Variants in NLGN1 observed in about 807,000 individuals in gnomAD.
NLGN1 encodes the protein neuroligin-1.
Under a neutral mutation model 65.5 loss-of-function variants are expected in NLGN1, and 12 were observed. The observed-to-expected ratio is 0.18, with a 90% CI of 0.12 to 0.30. The LOEUF (loss-of-function observed/expected upper bound fraction) is 0.30. NLGN1 is among the 10% of genes least tolerant of loss of function. The pLI is 1.00. For synonymous variants in NLGN1, 350 were observed against 359.5 expected, an observed-to-expected ratio of 0.97 and a Z score of 0.30; for missense variants, 750 against 1,007.1, an observed-to-expected ratio of 0.74 and a Z score of 3.46.
At chr3:173,899,194 T>C (rs1055449591) in intron 4 of NLGN1, among the ~76,000 whole-genome samples, 11 of 152,072 alleles carry the variant, frequency 7.2e-5, no homozygotes, top group African/African-American at 2.4e-4. Context: ...GCAGAAAGCT[T>C]TAGAGGTTTT....
At chr3:173,691,335 T>A (rs1271012275) in intron 3 of NLGN1, among the ~76,000 whole-genome samples, 3 of 152,124 alleles carry the variant, frequency 2.0e-5, no homozygotes, top group African/African-American at 7.2e-5. Flanking sequence ...TGTTTCTCCA[T>A]CCTCTGCATT....
intron 4 of NLGN1, among the ~76,000 whole-genome samples, chr3:174,133,426 G>GT (rs1433141917): frequency 6.6e-6 from 1 of 152,096 alleles, no homozygotes; most frequent in Non-Finnish European, 1.5e-5. Context: ...TCCCAACAGT[G>GT]TAAGTCTGGA....
At chr3:174,079,363 G>C (rs995929045) in intron 4 of NLGN1, among the ~76,000 whole-genome samples, 1 of 152,088 alleles carries the variant, frequency 6.6e-6, no homozygotes, top group Admixed American at 6.6e-5. Context: ...AGTCAGAATG[G>C]TTAAAGAAAT....
intron 2 of NLGN1, among the ~76,000 whole-genome samples, chr3:173,564,623 T>C (rs1743328729): frequency 1.3e-5 from 2 of 152,330 alleles, no homozygotes; most frequent in African/African-American, 2.4e-5. Flanking sequence ...CCTGAGGAGA[T>C]AGCAGCCTCA....
chr3:174,082,145 C>G (rs937473634), intron 4 of NLGN1, among the ~76,000 whole-genome samples: 5 of 152,120 alleles, frequency 3.3e-5, no homozygotes, highest in African/African-American at 1.2e-4. Context: ...GTAACTGCTC[C>G]TGTATTTAAA....
chr3:173,882,075 CATCAGAGTTCCTAGGTGACAGATGCTTTG>C lies in NLGN1; in HGVS notation c.646+74245_646+74273del, dbSNP rs560997628. ...AAACAATAATCTCCTTGGGCATCTC[CATCAGAGTTCCTAGGTGACAGATGCTTTG>C]ACAATAAGCAGTAATATTTTGAAAT... On this transcript the variant is annotated intron_variant, in intron 4 of 6. Coordinates refer to ENST00000457714, the Ensembl canonical transcript of NLGN1. 2.4e-3 allele frequency among the ~76,000 whole-genome samples: 373 copies of C among 152,290 alleles called. 2 individuals are homozygous for C. Among genetic ancestry groups the C allele is most frequent in the African/African-American group, 8.1e-3 (335 of 41,558 alleles).
At chr3:173,675,312 C>A (rs961812445) in intron 3 of NLGN1, among the ~76,000 whole-genome samples, 28 of 152,010 alleles carry the variant, frequency 1.8e-4, no homozygotes, top group African/African-American at 6.0e-4. Flanking sequence ...GAGTAGTTTT[C>A]AAAATGCCAG....
chr3:173,483,002 G>T (rs1727551995), intron 2 of NLGN1, among the ~76,000 whole-genome samples: 1 of 151,912 alleles, frequency 6.6e-6, no homozygotes, highest in African/African-American at 2.4e-5. Context: ...AGAATTTAGA[G>T]AAGATACAAA....
intron 2 of NLGN1, among the ~76,000 whole-genome samples, chr3:173,544,291 T>TGA (rs1553880872): frequency 1.3e-5 from 2 of 151,318 alleles, no homozygotes; most frequent in Non-Finnish European, 3.0e-5. Flanking sequence ...TGTGTGTGTG[T>TGA]GAATTACTCT....
intron 4 of NLGN1, among the ~76,000 whole-genome samples, chr3:173,914,587 G>C (rs907555166): frequency 6.6e-6 from 1 of 151,822 alleles, no homozygotes; most frequent in Non-Finnish European, 1.5e-5. Flanking sequence ...GACTTACATC[G>C]TCAAGCTCTG....
At chr3:174,184,936 A>G (rs1326265534) in intron 4 of NLGN1, among the ~76,000 whole-genome samples, 3 of 152,056 alleles carry the variant, frequency 2.0e-5, no homozygotes, top group Non-Finnish European at 4.4e-5. Flanking sequence ...GAGATGTTGC[A>G]CTCTTCAGAT....
chr3:173,631,218 G>A (rs897087333), intron 3 of NLGN1, among the ~76,000 whole-genome samples: 3 of 152,150 alleles, frequency 2.0e-5, no homozygotes, highest in Admixed American at 1.3e-4. Flanking sequence ...ACTCTGCTAA[G>A]CAGGCAGAGG....
At chr3:173,642,258 A>G (rs973266412) in intron 3 of NLGN1, among the ~76,000 whole-genome samples, 4 of 152,188 alleles carry the variant, frequency 2.6e-5, no homozygotes, top group African/African-American at 9.6e-5. Flanking sequence ...CAGGCAAAAT[A>G]TGCCATACAA....
intron 3 of NLGN1, among the ~76,000 whole-genome samples, chr3:173,634,116 T>G (rs1756188672): frequency 6.6e-6 from 1 of 152,108 alleles, no homozygotes; most frequent in Admixed American, 6.6e-5. Context: ...GGATTTTAAG[T>G]TTTTTTAATT....
chr3:173,652,412 A>G (rs1410448356), intron 3 of NLGN1, among the ~76,000 whole-genome samples: 1 of 152,084 alleles, frequency 6.6e-6, no homozygotes, highest in African/African-American at 2.4e-5. Flanking sequence ...CTTACATTTA[A>G]GTCTTTATTC....
chr3:173,688,514 A>T (rs1055253870), intron 3 of NLGN1, among the ~76,000 whole-genome samples: 3 of 152,190 alleles, frequency 2.0e-5, no homozygotes, highest in Non-Finnish European at 2.9e-5. Context: ...TTTTAATCAT[A>T]GCAATACACT....
chr3:173,419,017 CTTCTTTTTTTTTTT>C (rs1560224658), intron 1 of NLGN1, among the ~76,000 whole-genome samples: 1 of 11,280 alleles, frequency 8.9e-5, no homozygotes, highest in Non-Finnish European at 1.7e-4. Flanking sequence ...CTTTCTTCTT[CTTCTTTTTTTTTTT>C]TTTTTTTTTT....
intron 4 of NLGN1, among the ~76,000 whole-genome samples, chr3:174,138,860 G>GA (rs957571666): frequency 2.0e-5 from 3 of 150,852 alleles, no homozygotes; most frequent in South Asian, 2.1e-4. Flanking sequence ...TGCAAAATGG[G>GA]AAAAAAAAGG....
At chr3:173,397,015 A>ATAAGTGG (rs1716735330), upstream of NLGN1, among the ~76,000 whole-genome samples, 1 of 152,172 alleles carries the variant, frequency 6.6e-6, no homozygotes, top group South Asian at 2.1e-4. Flanking sequence ...AGTGTTTTAA[A>ATAAGTGG]CATCTGAAGA....
Sources: gnomAD v4.1 joint callset for allele counts (sites outside exome capture counted in the v4.1 genomes callset) on GRCh38, gnomAD v4.1.1 for gene constraint, MANE v1.5 for transcripts, NCBI Gene and HGNC (gene_info 2026-07-23, HGNC 2026-07-21) for gene names.